The following PACRG variants were observed in gnomAD, a reference collection of about 807,000 sequenced individuals.
PACRG encodes the protein parkin coregulated gene protein.
PACRG carries 29 observed loss-of-function variants against 29.7 expected under a neutral mutation model. The observed-to-expected ratio is 0.98, with a 90% CI of 0.73 to 1.33. The LOEUF (loss-of-function observed/expected upper bound fraction) is 1.33, where lower values mean the gene tolerates loss of function less well. PACRG is among the 40% of genes most tolerant of loss of function. The pLI is 0.00. For synonymous variants in PACRG, 116 were observed against 118.7 expected (o/e 0.98, Z 0.15); for missense variants, 279 against 316.2 (o/e 0.88, Z 0.89).
At chr6:162,759,541 T>C (rs1287093559) in intron 1 of PACRG, among the ~76,000 whole-genome samples, 1 of 152,256 alleles carries the variant, frequency 6.6e-6, no homozygotes, top group African/African-American at 2.4e-5. Flanking sequence ...ACAATATGCT[T>C]ACTCCATTAT....
intron 1 of PACRG, among the ~76,000 whole-genome samples, chr6:162,732,892 A>T (rs1386372793): frequency 6.6e-6 from 1 of 152,210 alleles, no homozygotes; most frequent in Admixed American, 6.5e-5. Context: ...GTCTTGTGTG[A>T]TCTAATCCCA....
chr6:162,830,193 C>T (rs890898552), intron 2 of PACRG, among the ~76,000 whole-genome samples: 4 of 152,090 alleles, frequency 2.6e-5, no homozygotes, highest in African/African-American at 7.2e-5. Context: ...TTTGGGGAAT[C>T]GGGGATTAAG....
At chr6:162,766,041 G>T (rs1052744475) in intron 1 of PACRG, among the ~76,000 whole-genome samples, 2 of 152,124 alleles carry the variant, frequency 1.3e-5, no homozygotes, top group African/African-American at 4.8e-5. Flanking sequence ...TAGCATATCT[G>T]TCACTCAACT....
chr6:163,312,065 C>G (rs1337071306), intron 4 of PACRG, among the ~76,000 whole-genome samples: 1 of 152,140 alleles, frequency 6.6e-6, no homozygotes, highest in African/African-American at 2.4e-5. Flanking sequence ...TCACAGCAGC[C>G]ACAACTCAGC....
At chr6:162,880,971 G>T (rs1015794404) in intron 2 of PACRG, among the ~76,000 whole-genome samples, 1 of 152,224 alleles carries the variant, frequency 6.6e-6, no homozygotes, top group African/African-American at 2.4e-5. Flanking sequence ...CGCTCTGTCT[G>T]TACATTTACA....
intron 4 of PACRG, among the ~76,000 whole-genome samples, chr6:163,116,781 G>C (rs1482373809): frequency 6.6e-6 from 1 of 152,200 alleles, no homozygotes; most frequent in African/African-American, 2.4e-5. Context: ...AGTTCATTAA[G>C]TATGGGCTGC....
At chr6:162,951,492 A>C (rs931242444) in intron 2 of PACRG, among the ~76,000 whole-genome samples, 2 of 152,178 alleles carry the variant, frequency 1.3e-5, no homozygotes, top group African/African-American at 4.8e-5. Context: ...TCTCAGCCAC[A>C]GTCTGTTTTA....
At position 162,897,159 on chromosome 6, in the gene PACRG, G is replaced by A. The variant is rs551350016; in HGVS notation, c.291+82878G>A. Among the ~76,000 whole-genome samples, 4 of 152,300 alleles carry A rather than the reference G, an allele frequency of 2.6e-5. No individual in the cohort carries two copies. In the East Asian group the frequency reaches 7.7e-4, roughly 29 times the overall value. ...GAAAAACCTAGTATTCTTATTGCTTGCATGTGAGAGAAATTTGGAATTCCC... is the reference window on the plus strand; with the variant it reads ...GAAAAACCTAGTATTCTTATTGCTTACATGTGAGAGAAATTTGGAATTCCC... On this transcript the variant is annotated intron_variant, in intron 2 of 4. Transcript: ENST00000366888.
rs1783760243 is a variant in PACRG, at chr6:163,269,995, GAAAGAAAGA to G, written c.614-44829_614-44821del. ...AGAAAGAAAGAAAGAAAGAAAGAAA[GAAAGAAAGA>G]AAGGAGGGAGGGAGGGAGGGAGGAA... On this transcript the variant is annotated intron_variant, in intron 4 of 4. Coordinates refer to ENST00000366888, the MANE Select transcript of PACRG (RefSeq NM_001080379.2). Among the ~76,000 whole-genome samples the G allele has an allele frequency of 1.5e-4, 16 of 107,264 alleles. 1 individual carries two copies. In the South Asian group the frequency reaches 4.2e-3, roughly 28 times the overall value. The allele number at this position is 107,264 out of a possible 152,430, so 70.4% of individuals were successfully genotyped here.
At chr6:163,224,830 A>T (rs1781725380) in intron 4 of PACRG, among the ~76,000 whole-genome samples, 1 of 152,206 alleles carries the variant, frequency 6.6e-6, no homozygotes, top group Non-Finnish European at 1.5e-5. Context: ...AGGCAACAAA[A>T]GCAAAACTAG....
intron 4 of PACRG, among the ~76,000 whole-genome samples, chr6:163,309,468 A>G (rs1265731131): frequency 6.6e-6 from 1 of 152,202 alleles, no homozygotes; most frequent in Non-Finnish European, 1.5e-5. Context: ...TCTACAGTCT[A>G]GCTATTGTGT....
chr6:163,110,238 C>T (rs1167879314), intron 4 of PACRG, among the ~76,000 whole-genome samples: 1 of 152,186 alleles, frequency 6.6e-6, no homozygotes, highest in Non-Finnish European at 1.5e-5. Context: ...TTCCTGGTAC[C>T]TGGTACAGAT....
chr6:162,883,840 T>A (rs1226998187), intron 2 of PACRG, among the ~76,000 whole-genome samples: 1 of 152,076 alleles, frequency 6.6e-6, no homozygotes, highest in Non-Finnish European at 1.5e-5. Flanking sequence ...TAACTACTAA[T>A]ACCCTACTGT....
Position 162,997,127 on chromosome 6 carries a change from A to G in PACRG, c.292-65023A>G, listed in dbSNP as rs138540658. On this transcript the variant is annotated intron_variant, in intron 2 of 4. Transcript: ENST00000366888. ...TGTTTAAAATTGGTTTGATAAAGAT[A>G]AAACTTGACATTAATGTACAGTAAT... Among the ~76,000 whole-genome samples the G allele has an allele frequency of 2.8e-4, 43 of 152,364 alleles. No individual in the cohort carries two copies. In the East Asian group the frequency reaches 8.3e-3, roughly 29 times the overall value.
chr6:163,198,874 A>G (rs6916143), intron 4 of PACRG, among the ~76,000 whole-genome samples: 65,080 of 152,008 alleles, frequency 0.43, 15,119 homozygotes, highest in African/African-American at 0.61. Flanking sequence ...CAGTCAGTAC[A>G]TGTGAGAAGT....
chr6:163,218,002 T>C (rs984892574), intron 4 of PACRG, among the ~76,000 whole-genome samples: 1 of 152,286 alleles, frequency 6.6e-6, no homozygotes, highest in South Asian at 2.1e-4. Context: ...CACTGGTCCA[T>C]GGAAAAATTG....
At chr6:162,863,202 T>A (rs558909889) in intron 2 of PACRG, among the ~76,000 whole-genome samples, 1 of 152,334 alleles carries the variant, frequency 6.6e-6, no homozygotes, top group South Asian at 2.1e-4. Context: ...GTGGGCTATG[T>A]GCTCTACTGG....
At chr6:163,063,214 G>A (rs1811236622) in intron 3 of PACRG, among the ~76,000 whole-genome samples, 1 of 152,146 alleles carries the variant, frequency 6.6e-6, no homozygotes, top group Non-Finnish European at 1.5e-5. Flanking sequence ...CACTCATTCT[G>A]CAGATGAGGG....
chr6:163,265,293 G>C (rs1309821037), intron 4 of PACRG, among the ~76,000 whole-genome samples: 1 of 152,126 alleles, frequency 6.6e-6, no homozygotes, highest in Non-Finnish European at 1.5e-5. Context: ...GGCCCCTTCT[G>C]GTCCGCATCC....
Sources: gnomAD v4.1 joint callset for allele counts (sites outside exome capture counted in the v4.1 genomes callset) on GRCh38, gnomAD v4.1.1 for gene constraint, MANE v1.5 for transcripts, NCBI Gene and HGNC (gene_info 2026-07-23, HGNC 2026-07-21) for gene names.